Variants in CPA6 observed in about 807,000 individuals in gnomAD.
CPA6 encodes carboxypeptidase A6.
CPA6 carries 58 observed loss-of-function variants against 63.3 expected under a neutral mutation model. The observed-to-expected ratio is 0.92, with a 90% CI of 0.74 to 1.14. CPA6 has a LOEUF of 1.14. Among genes scored for constraint, CPA6 ranks in the 50% most tolerant of loss-of-function variants. CPA6 has a pLI of 0.00. For synonymous variants in CPA6, 185 were observed against 179.0 expected, an observed-to-expected ratio of 1.03 and a Z score of -0.27; for missense variants, 565 against 526.6, an observed-to-expected ratio of 1.07 and a Z score of -0.71.
chr8:67,607,225 CTTCTTCTTCTTCTTCTT>C (rs1814681170), intron 2 of CPA6, among the ~76,000 whole-genome samples: 2 of 113,414 alleles, frequency 1.8e-5, no homozygotes, highest in African/African-American at 7.2e-5. Context: ...TCTTCTTCTT[CTTCTTCTTCTTCTTCTT>C]CTTCTTCTTC....
chr8:67,663,051 A>G (rs1816151981), intron 1 of CPA6, among the ~76,000 whole-genome samples: 1 of 152,214 alleles, frequency 6.6e-6, no homozygotes, highest in Non-Finnish European at 1.5e-5. Context: ...ACAACCCTCC[A>G]GAAGACGTCA....
chr8:67,445,746 TCTC>T (rs1331149062), intron 8 of CPA6, among the ~76,000 whole-genome samples: 11 of 152,264 alleles, frequency 7.2e-5, no homozygotes, highest in African/African-American at 2.4e-4. Context: ...TCTTGGTTGA[TCTC>T]CTAACTGGCA....
At chr8:67,692,825 G>C (rs548310872) in intron 1 of CPA6, among the ~76,000 whole-genome samples, 1 of 152,176 alleles carries the variant, frequency 6.6e-6, no homozygotes. Flanking sequence ...CAGATAATGA[G>C]TGCAAATTAA....
chr8:67,616,589 A>T (rs1814958534), intron 2 of CPA6, among the ~76,000 whole-genome samples: 1 of 151,346 alleles, frequency 6.6e-6, no homozygotes, highest in South Asian at 2.1e-4. Context: ...GTGGTGGATT[A>T]CAAAAATGAC....
intron 1 of CPA6, among the ~76,000 whole-genome samples, chr8:67,690,490 C>T (rs1224080498): frequency 6.6e-6 from 1 of 152,160 alleles, no homozygotes. Flanking sequence ...ACATTCAAAT[C>T]AGCACATCAG....
At chr8:67,434,799 G>A (rs1029256185) in intron 8 of CPA6, among the ~76,000 whole-genome samples, 13 of 152,180 alleles carry the variant, frequency 8.5e-5, no homozygotes, top group Admixed American at 3.9e-4. Context: ...CGGCAGTGGC[G>A]GTGGCCCCAA....
intron 8 of CPA6, among the ~76,000 whole-genome samples, chr8:67,442,217 G>A (rs1034211775): frequency 2.0e-5 from 3 of 152,042 alleles, no homozygotes; most frequent in African/African-American, 7.2e-5. Context: ...TAGATGCTAT[G>A]TTATGCATTG....
chr8:67,521,757 G>A (rs184473946), intron 2 of CPA6, among the ~76,000 whole-genome samples: 289 of 152,246 alleles, frequency 1.9e-3, no homozygotes, highest in African/African-American at 6.5e-3. Flanking sequence ...AATATAAACA[G>A]TTGCAGGAAA....
chr8:67,674,775 T>C (rs1309396416), intron 1 of CPA6, among the ~76,000 whole-genome samples: 1 of 152,132 alleles, frequency 6.6e-6, no homozygotes, highest in African/African-American at 2.4e-5. Flanking sequence ...TCAAGCTAGG[T>C]GTCCATCAAT....
At chr8:67,620,697 A>G (rs1762556139) in intron 2 of CPA6, among the ~76,000 whole-genome samples, 1 of 152,186 alleles carries the variant, frequency 6.6e-6, no homozygotes, top group Non-Finnish European at 1.5e-5. Context: ...AAATCATTCA[A>G]ATTTAAAATG....
At chr8:67,548,455 C>A (rs1267129996) in intron 2 of CPA6, among the ~76,000 whole-genome samples, 7 of 151,660 alleles carry the variant, frequency 4.6e-5, no homozygotes, top group Non-Finnish European at 1.5e-5. Flanking sequence ...CAGGGTTTCA[C>A]CATGTTGGCC....
At chr8:67,423,768 A>G (rs1226944523) in intron 10 of CPA6, among the ~76,000 whole-genome samples, 1 of 152,106 alleles carries the variant, frequency 6.6e-6, no homozygotes, top group Admixed American at 6.5e-5. Context: ...AAACTTTCCC[A>G]TTCTCTTCTC....
At chr8:67,638,777 G>A (rs72657264) in intron 1 of CPA6, among the ~76,000 whole-genome samples, 3 of 151,632 alleles carry the variant, frequency 2.0e-5, no homozygotes, top group Non-Finnish European at 4.4e-5. Flanking sequence ...TGACATTTCA[G>A]TTCAAATCTC....
At chr8:67,582,390 G>GAAAAA (rs1374877548) in intron 2 of CPA6, among the ~76,000 whole-genome samples, 10 of 152,274 alleles carry the variant, frequency 6.6e-5, no homozygotes, top group Admixed American at 2.0e-4. Context: ...CAGGTTTCTA[G>GAAAAA]AAATGCAAAT....
intron 2 of CPA6, among the ~76,000 whole-genome samples, chr8:67,580,237 C>T (rs757038265): frequency 3.9e-4 from 59 of 152,236 alleles, no homozygotes; most frequent in Non-Finnish European, 7.2e-4. Context: ...TTAGAGCCTA[C>T]TGGCAGCTGT....
At chr8:67,565,503 C>T (rs1208511546) in intron 2 of CPA6, among the ~76,000 whole-genome samples, 1 of 152,136 alleles carries the variant, frequency 6.6e-6, no homozygotes, top group African/African-American at 2.4e-5. Context: ...AAGGAAGCAC[C>T]TTGCACTGTC....
intron 8 of CPA6, among the ~76,000 whole-genome samples, chr8:67,453,940 TTGC>T (rs1422897099): frequency 2.3e-4 from 35 of 152,356 alleles, no homozygotes; most frequent in African/African-American, 8.4e-4. Flanking sequence ...TCGATGCTGT[TTGC>T]CTGAGAAGCA....
At chr8:67,659,675 T>C (rs1261256635) in intron 1 of CPA6, among the ~76,000 whole-genome samples, 1 of 152,184 alleles carries the variant, frequency 6.6e-6, no homozygotes, top group East Asian at 1.9e-4. Context: ...TTTGCAAAAC[T>C]GCCCTGAGGT....
intron 8 of CPA6, among the ~76,000 whole-genome samples, chr8:67,465,220 T>A (rs2128957748): frequency 6.6e-6 from 1 of 152,312 alleles, no homozygotes; most frequent in East Asian, 1.9e-4. Flanking sequence ...GCAGAGATCT[T>A]TCACTTTCTT....
Sources: allele counts gnomAD v4.1 joint callset (sites outside exome capture counted in the v4.1 genomes callset), GRCh38; gene constraint gnomAD v4.1.1; transcripts MANE v1.5; gene names NCBI Gene and HGNC (gene_info 2026-07-23, HGNC 2026-07-21).